USH2A: variants seen among roughly 807,000 people sequenced by gnomAD.
USH2A encodes the protein usherin.
A neutral mutation model predicts 538.9 loss-of-function variants in USH2A; 443 were observed. That is an observed-to-expected ratio of 0.82 (90% CI 0.76 to 0.89). The LOEUF (loss-of-function observed/expected upper bound fraction) is 0.89. Among genes scored for constraint, USH2A ranks in the 40% least tolerant of loss-of-function variants. The probability of loss-of-function intolerance (pLI) is 0.00; values close to 1 mark genes in which losing one functional copy is unlikely to be tolerated. For missense variants in USH2A, 6,633 were observed against 6,324.8 expected (o/e 1.05, Z -1.65); for synonymous variants, 2,413 against 2,273.5 (o/e 1.06, Z -1.75).
intron 22 of USH2A, among the ~76,000 whole-genome samples, chr1:216,093,715 AG>A (rs2032362521): frequency 1.3e-5 from 2 of 152,166 alleles, no homozygotes; most frequent in South Asian, 4.1e-4. Context: ...CATGTTTGGT[AG>A]GGGGGTGGCT....
At chr1:216,150,381 C>G (rs2033807685) in intron 21 of USH2A, among the ~76,000 whole-genome samples, 1 of 151,320 alleles carries the variant, frequency 6.6e-6, no homozygotes. Context: ...ATTCTCATTC[C>G]CATTCTTATG....
intron 38 of USH2A, among the ~76,000 whole-genome samples, chr1:215,921,652 A>T (rs1042959980): frequency 7.2e-5 from 11 of 152,100 alleles, no homozygotes; most frequent in Admixed American, 6.6e-5. Flanking sequence ...TTCTACAGTC[A>T]GTAGAACAAT....
chr1:216,006,658 T>C (rs1008360908), intron 32 of USH2A, among the ~76,000 whole-genome samples: 9 of 152,202 alleles, frequency 5.9e-5, no homozygotes, highest in Non-Finnish European at 1.2e-4. Context: ...TTTGTGACTC[T>C]CTTCATTATA....
rs1180193857 is a variant in USH2A, at chr1:215,682,793, T to C, written c.12067-2417A>G. Among the ~76,000 whole-genome samples, 5 of 152,140 alleles carry C rather than the reference T, an allele frequency of 3.3e-5. 1 individual carries two copies. The East Asian group carries it at 9.6e-4, about 29-fold the overall frequency. On this transcript the variant is annotated intron_variant, in intron 61 of 71. Coordinates refer to ENST00000307340, the MANE Select transcript of USH2A (RefSeq NM_206933.4). ...AGAGAAATAACCACATGTTGGGATG[T>C]AAAAGTAATTTCTGTATCATGAAAT...
At chr1:215,662,190 G>A (rs924315077) in intron 64 of USH2A, among the ~76,000 whole-genome samples, 1 of 152,146 alleles carries the variant, frequency 6.6e-6, no homozygotes, top group Non-Finnish European at 1.5e-5. Flanking sequence ...TAAGTTTTAG[G>A]TGACTTTGGG....
chr1:216,109,787 C>T (rs2032822754), intron 21 of USH2A, among the ~76,000 whole-genome samples: 1 of 152,090 alleles, frequency 6.6e-6, no homozygotes, highest in Non-Finnish European at 1.5e-5. Flanking sequence ...TTTTAAACTC[C>T]TATTTCTTAC....
intron 61 of USH2A, among the ~76,000 whole-genome samples, chr1:215,711,955 C>T (rs1042360113): frequency 6.6e-5 from 10 of 152,162 alleles, no homozygotes; most frequent in African/African-American, 2.4e-4. Context: ...GACCTGGATA[C>T]ACAAATGTCC....
chr1:215,879,568 T>G (rs1664857661), intron 41 of USH2A, among the ~76,000 whole-genome samples: 1 of 152,198 alleles, frequency 6.6e-6, no homozygotes. Context: ...GAAAGAGAAA[T>G]CATTATTCAT....
At chr1:216,113,060 C>A (rs190243979) in intron 21 of USH2A, among the ~76,000 whole-genome samples, 1 of 150,938 alleles carries the variant, frequency 6.6e-6, no homozygotes, top group African/African-American at 2.4e-5. Flanking sequence ...CCATTCCTTC[C>A]TTGGAACGAT....
At chr1:216,132,306 A>AT (rs1482109015) in intron 21 of USH2A, among the ~76,000 whole-genome samples, 1 of 151,916 alleles carries the variant, frequency 6.6e-6, no homozygotes, top group East Asian at 1.9e-4. Context: ...TCTAGTTGGT[A>AT]TTTTTTCATA....
intron 8 of USH2A, among the ~76,000 whole-genome samples, chr1:216,323,030 A>G (rs569326239): frequency 5.9e-5 from 9 of 152,140 alleles, no homozygotes; most frequent in East Asian, 1.9e-4. Context: ...ACTGTGCACT[A>G]TGAACTCAGG....
Position 215,798,350 on chromosome 1 carries a change from A to G in USH2A, c.9958+557T>C, listed in dbSNP as rs140804215. On this transcript the variant is annotated intron_variant, in intron 50 of 71. Coordinates refer to ENST00000307340, the MANE Select transcript of USH2A (RefSeq NM_206933.4). Reference sequence around the variant, plus strand: ...CAAAATCTGGATCTGACTGTGTGGTATTTAGCAAGATAATGTCTAATATCT... The same window carrying G: ...CAAAATCTGGATCTGACTGTGTGGTGTTTAGCAAGATAATGTCTAATATCT... Among the ~76,000 whole-genome samples, 1,099 of 152,282 alleles carry G rather than the reference A, an allele frequency of 7.2e-3. 11 individuals are homozygous for G. Among genetic ancestry groups the G allele is most frequent in the African/African-American group, 0.025 (1,031 of 41,568 alleles).
At chr1:215,751,224 C>A (rs888717702) in intron 58 of USH2A, among the ~76,000 whole-genome samples, 1 of 152,024 alleles carries the variant, frequency 6.6e-6, no homozygotes, top group Non-Finnish European at 1.5e-5. Context: ...GGCCAGCTAA[C>A]CTTTAATCAA....
At chr1:215,915,391 T>C (rs1486362564) in intron 38 of USH2A, among the ~76,000 whole-genome samples, 1 of 152,118 alleles carries the variant, frequency 6.6e-6, no homozygotes, top group African/African-American at 2.4e-5. Flanking sequence ...GCTCAGTGTT[T>C]TGAAAGAATG....
At chr1:216,226,136 G>A (rs1000943465) in intron 14 of USH2A, among the ~76,000 whole-genome samples, 1 of 152,188 alleles carries the variant, frequency 6.6e-6, no homozygotes, top group Non-Finnish European at 1.5e-5. Context: ...GAAACCATAA[G>A]TCATGAGAAG....
intron 34 of USH2A, among the ~76,000 whole-genome samples, chr1:215,998,160 T>C (rs1026746740): frequency 1.3e-5 from 2 of 152,106 alleles, no homozygotes; most frequent in African/African-American, 2.4e-5. Context: ...ATGAAGAGTG[T>C]GTTTAAAACA....
intron 49 of USH2A, among the ~76,000 whole-genome samples, chr1:215,805,051 G>A (rs758948935): frequency 3.0e-4 from 45 of 151,892 alleles, no homozygotes; most frequent in African/African-American, 9.7e-4. Context: ...ACCAAACACC[G>A]TATGTTGTCA....
chr1:216,347,520 G>A (rs1360249094), intron 4 of USH2A, among the ~76,000 whole-genome samples: 1 of 152,052 alleles, frequency 6.6e-6, no homozygotes, highest in African/African-American at 2.4e-5. Context: ...AGGTTATTTG[G>A]TATAAATATC....
At chr1:216,008,577 G>A (rs573834974) in intron 32 of USH2A, among the ~76,000 whole-genome samples, 9 of 152,192 alleles carry the variant, frequency 5.9e-5, no homozygotes, top group South Asian at 2.1e-4. Flanking sequence ...GACTCGGATC[G>A]GGGGACCTCC....
Sources: gnomAD v4.1 joint callset for allele counts (sites outside exome capture counted in the v4.1 genomes callset) on GRCh38, gnomAD v4.1.1 for gene constraint, MANE v1.5 for transcripts, NCBI Gene and HGNC (gene_info 2026-07-23, HGNC 2026-07-21) for gene names.